Variants in SLC24A2 observed in about 807,000 individuals in gnomAD.
SLC24A2 encodes the protein sodium/potassium/calcium exchanger 2.
Under a neutral mutation model 62.0 loss-of-function variants are expected in SLC24A2, and 36 were observed. That is an observed-to-expected ratio of 0.58 (90% confidence interval 0.44 to 0.77). The LOEUF is 0.77. Ranked by LOEUF, SLC24A2 falls within the 30% of genes least tolerant of loss-of-function variation. SLC24A2 has a pLI of 0.00. For missense variants in SLC24A2, 846 were observed against 817.9 expected (o/e 1.03, Z -0.42); for synonymous variants, 358 against 294.0 (o/e 1.22, Z -2.23).
chr9:19,887,968 C>A, the SLC24A2 span, among the ~76,000 whole-genome samples: 1 of 152,140 alleles, frequency 6.6e-6, no homozygotes, highest in Non-Finnish European at 1.5e-5. Flanking sequence ...TGCAAATGGA[C>A]TTTGGGGACT....
At chr9:19,535,497 G>C (rs985411209) in intron 8 of SLC24A2, among the ~76,000 whole-genome samples, 1 of 151,970 alleles carries the variant, frequency 6.6e-6, no homozygotes, top group Non-Finnish European at 1.5e-5. Flanking sequence ...TCTTAAGGTG[G>C]AGTCTTTAAT....
chr9:19,575,272 A>G (rs1835973244), intron 6 of SLC24A2, among the ~76,000 whole-genome samples: 1 of 152,198 alleles, frequency 6.6e-6, no homozygotes, highest in Non-Finnish European at 1.5e-5. Context: ...TCAGTTATTT[A>G]AATAAAAAAT....
At chr9:19,581,795 T>G (rs918236849) in intron 5 of SLC24A2, among the ~76,000 whole-genome samples, 1 of 152,158 alleles carries the variant, frequency 6.6e-6, no homozygotes, top group Non-Finnish European at 1.5e-5. Flanking sequence ...GAAATGACTG[T>G]GTAACATTGA....
the SLC24A2 span, among the ~76,000 whole-genome samples, chr9:19,966,800 A>G: frequency 1.3e-5 from 2 of 152,200 alleles, no homozygotes; most frequent in African/African-American, 4.8e-5. Context: ...AATTGCTGAG[A>G]GTATGAAATT....
chr9:20,140,038 C>A, the SLC24A2 span, among the ~76,000 whole-genome samples: 2 of 152,182 alleles, frequency 1.3e-5, no homozygotes, highest in African/African-American at 4.8e-5. Flanking sequence ...ATGGTAGCTA[C>A]ATGTGGAAAT....
intron 2 of SLC24A2, among the ~76,000 whole-genome samples, chr9:19,678,036 G>A (rs76164024): frequency 0.023 from 3,471 of 152,182 alleles, 77 homozygotes; most frequent in East Asian, 0.091. Context: ...TATCTCTGTC[G>A]CAGTAGCTTC....
At chr9:19,754,717 G>C (rs761886569) in intron 2 of SLC24A2, among the ~76,000 whole-genome samples, 1 of 151,626 alleles carries the variant, frequency 6.6e-6, no homozygotes, top group Non-Finnish European at 1.5e-5. Context: ...GCAGGGCCCT[G>C]GTGGTGGTAT....
intron 1 of SLC24A2, 63 bp downstream of exon 1, chr9:19,788,822 G>A (rs976002366): frequency 1.0e-6 from 1 of 985,448 alleles, no homozygotes; most frequent in Non-Finnish European, 1.2e-6. Context: ...CGCGCAACCG[G>A]GATGCGGGGA....
At chr9:19,528,620 G>A (rs978792471) in intron 8 of SLC24A2, among the ~76,000 whole-genome samples, 1 of 152,104 alleles carries the variant, frequency 6.6e-6, no homozygotes, top group Non-Finnish European at 1.5e-5. Context: ...AAATGGGAAG[G>A]ATCAGCAGGT....
chr9:19,660,091 T>C (rs765013439), intron 2 of SLC24A2, among the ~76,000 whole-genome samples: 1 of 152,190 alleles, frequency 6.6e-6, no homozygotes, highest in South Asian at 2.1e-4. Flanking sequence ...GTCTGAACGT[T>C]TTCCTCTGCC....
At chr9:19,949,001 ATTTTAT>A in the SLC24A2 span, among the ~76,000 whole-genome samples, 3 of 151,686 alleles carry the variant, frequency 2.0e-5, no homozygotes, top group Admixed American at 6.6e-5. Context: ...TATTTAATTA[ATTTTAT>A]TTTTGAGACG....
chr9:19,712,271 T>C (rs1301115862), intron 2 of SLC24A2, among the ~76,000 whole-genome samples: 1 of 152,192 alleles, frequency 6.6e-6, no homozygotes, highest in Non-Finnish European at 1.5e-5. Flanking sequence ...CTAACATAAA[T>C]TCAAAGAGCC....
chr9:19,944,798 C>T, the SLC24A2 span, among the ~76,000 whole-genome samples: 2 of 152,000 alleles, frequency 1.3e-5, no homozygotes, highest in Admixed American at 6.6e-5. Flanking sequence ...GATTTGTCTT[C>T]GTTAATCTGT....
chr9:19,641,256 G>A (rs1440040400), intron 2 of SLC24A2, among the ~76,000 whole-genome samples: 6 of 152,182 alleles, frequency 3.9e-5, no homozygotes, highest in East Asian at 1.9e-4. Context: ...CTGCCCTCTT[G>A]TGTTCTCACA....
intron 2 of SLC24A2, among the ~76,000 whole-genome samples, chr9:19,638,389 A>G (rs72702422): frequency 0.027 from 4,119 of 152,302 alleles, 91 homozygotes; most frequent in Non-Finnish European, 0.045. Flanking sequence ...GCCAACGGAT[A>G]TTCATTTGGC....
intron 2 of SLC24A2, among the ~76,000 whole-genome samples, chr9:19,688,314 T>C (rs1819944586): frequency 6.6e-6 from 1 of 152,108 alleles, no homozygotes; most frequent in Non-Finnish European, 1.5e-5. Context: ...GTTTCTTTGA[T>C]TGCAAAATGA....
chr9:20,163,910 G>A, the SLC24A2 span, among the ~76,000 whole-genome samples: 1 of 152,124 alleles, frequency 6.6e-6, no homozygotes, highest in Non-Finnish European at 1.5e-5. Flanking sequence ...AAATGGTGCT[G>A]GGAAAACTGG....
At chr9:20,017,828 A>G in the SLC24A2 span, among the ~76,000 whole-genome samples, 4 of 152,212 alleles carry the variant, frequency 2.6e-5, no homozygotes, top group Non-Finnish European at 4.4e-5. Context: ...TTGGCAGCTG[A>G]TTAGATGGTG....
At chr9:19,958,979 T>C in the SLC24A2 span, among the ~76,000 whole-genome samples, 1 of 152,180 alleles carries the variant, frequency 6.6e-6, no homozygotes, top group South Asian at 2.1e-4. Context: ...AATTTTTGTG[T>C]AGCAAGTCCC....
Sources: allele counts gnomAD v4.1 joint callset (sites outside exome capture counted in the v4.1 genomes callset), GRCh38; gene constraint gnomAD v4.1.1; transcripts MANE v1.5; gene names NCBI Gene and HGNC (gene_info 2026-07-23, HGNC 2026-07-21).